RNF6: variants seen among roughly 807,000 people sequenced by gnomAD.
RNF6 encodes ring finger protein 6.
In RNF6, 21 loss-of-function variants were observed where a neutral mutation model predicts 50.1. That is an observed-to-expected ratio of 0.42 (90% CI 0.30 to 0.60). The LOEUF is 0.60. RNF6 is among the 20% of genes least tolerant of loss of function. RNF6 has a pLI of 0.20. For synonymous variants in RNF6, 255 were observed against 291.8 expected, an observed-to-expected ratio of 0.87 and a Z score of 1.29; for missense variants, 698 against 838.2, an observed-to-expected ratio of 0.83 and a Z score of 2.07.
chr13:26,134,766 C>T (rs1870564136), intron 5 of RNF6, among the ~76,000 whole-genome samples: 1 of 152,028 alleles, frequency 6.6e-6, no homozygotes, highest in South Asian at 2.1e-4. Flanking sequence ...AAATCAAACT[C>T]TGTAATTGCA....
intron 5 of RNF6, among the ~76,000 whole-genome samples, chr13:26,157,599 A>C (rs992477825): frequency 3.3e-5 from 5 of 152,142 alleles, no homozygotes; most frequent in African/African-American, 1.2e-4. Flanking sequence ...TAAAAGGGGC[A>C]AAAAAAGCCA....
chr13:26,204,808 T>C (rs986079881), intron 5 of RNF6, among the ~76,000 whole-genome samples: 1 of 152,192 alleles, frequency 6.6e-6, no homozygotes, highest in Non-Finnish European at 1.5e-5. Context: ...ATTCATCTAA[T>C]TGAGAGGTAT....
intron 5 of RNF6, among the ~76,000 whole-genome samples, chr13:26,189,451 T>G (rs1442115639): frequency 6.6e-6 from 1 of 152,252 alleles, no homozygotes; most frequent in African/African-American, 2.4e-5. Flanking sequence ...CTACATTTTT[T>G]GTTTATGTAT....
chr13:26,168,046 A>G (rs1872532201), intron 5 of RNF6, among the ~76,000 whole-genome samples: 1 of 152,156 alleles, frequency 6.6e-6, no homozygotes, highest in Admixed American at 6.5e-5. Context: ...GGCCTACCTT[A>G]GGGTGGAGGG....
intron 5 of RNF6, among the ~76,000 whole-genome samples, chr13:26,146,992 G>C (rs140606771): frequency 6.6e-6 from 1 of 152,114 alleles, no homozygotes; most frequent in Non-Finnish European, 1.5e-5. Context: ...TTCTTGTACA[G>C]CCTGCAAAAC....
chr13:26,149,929 T>G (rs993298877), intron 5 of RNF6, among the ~76,000 whole-genome samples: 1 of 95,650 alleles, frequency 1.0e-5, no homozygotes, highest in African/African-American at 4.0e-5. Context: ...TGTATATATA[T>G]ATACACAGTG....
chr13:26,145,610 A>G (rs1871193119), intron 5 of RNF6, among the ~76,000 whole-genome samples: 1 of 152,076 alleles, frequency 6.6e-6, no homozygotes, highest in Non-Finnish European at 1.5e-5. Flanking sequence ...CATGATTGTA[A>G]GTTTCCTGAG....
intron 5 of RNF6, among the ~76,000 whole-genome samples, chr13:26,161,281 TATA>T (rs1394305286): frequency 1.3e-5 from 2 of 152,230 alleles, no homozygotes; most frequent in African/African-American, 4.8e-5. Context: ...TGTATTCTTT[TATA>T]ATATTTTTAA....
At chr13:26,216,087 G>A (rs1378069781) in intron 4 of RNF6, among the ~76,000 whole-genome samples, 1 of 152,144 alleles carries the variant, frequency 6.6e-6, no homozygotes, top group African/African-American at 2.4e-5. Flanking sequence ...CTCAGGTGCT[G>A]CCAAAAATGT....
At chr13:26,143,590 C>G (rs1383410819) in intron 5 of RNF6, among the ~76,000 whole-genome samples, 1 of 152,192 alleles carries the variant, frequency 6.6e-6, no homozygotes, top group Admixed American at 6.5e-5. Flanking sequence ...ATTTCCACCA[C>G]TTGGTTCATG....
chr13:26,209,731 C>T (rs1282080416), downstream of RNF6, among the ~76,000 whole-genome samples: 2 of 152,064 alleles, frequency 1.3e-5, no homozygotes, highest in African/African-American at 4.8e-5. Flanking sequence ...CAGAAGGTGG[C>T]TGGATTAGGA....
At position 26,215,378 on chromosome 13, in the gene RNF6, ATCT is replaced by A; in HGVS notation, c.501_503del (p.Glu167del). On this transcript the variant is annotated inframe_deletion, in exon 5 of 5. Transcript: ENST00000381588. ...TATCTGAAAGTGGAATGTCTGTATA[ATCT>A]TCTCCATGAATTTCAAATCCTCTAT... 1.2e-6 allele frequency: 2 copies of A among 1,614,178 alleles called. No homozygotes were observed. Among genetic ancestry groups the A allele is most frequent in the Non-Finnish European group, 1.7e-6 (2 of 1,180,040 alleles).
At chr13:26,165,348 G>A (rs499911) in intron 5 of RNF6, among the ~76,000 whole-genome samples, 2,402 of 152,318 alleles carry the variant, frequency 0.016, 53 homozygotes, top group African/African-American at 0.05. Flanking sequence ...CTGTAGGGGT[G>A]AGGCTCTCAT....
chr13:26,135,869 C>T (rs1870622336), intron 5 of RNF6, among the ~76,000 whole-genome samples: 1 of 152,096 alleles, frequency 6.6e-6, no homozygotes, highest in Non-Finnish European at 1.5e-5. Context: ...TTAAAGGAGA[C>T]TGGCACCTCC....
chr13:26,189,759 A>C (rs1868384616), intron 5 of RNF6, among the ~76,000 whole-genome samples: 1 of 152,132 alleles, frequency 6.6e-6, no homozygotes, highest in South Asian at 2.1e-4. Flanking sequence ...TTAATAAACC[A>C]CTTCCATGTT....
chr13:26,202,160 G>A (rs961093569), intron 5 of RNF6, among the ~76,000 whole-genome samples: 7 of 152,102 alleles, frequency 4.6e-5, no homozygotes, highest in African/African-American at 1.4e-4. Flanking sequence ...AGATGACTTG[G>A]GCAAATGATC....
chr13:26,185,645 C>T (rs1376524022), intron 5 of RNF6, among the ~76,000 whole-genome samples: 1 of 152,128 alleles, frequency 6.6e-6, no homozygotes, highest in East Asian at 1.9e-4. Context: ...ACTTGGGAGG[C>T]TGAGGCAGGA....
At chr13:26,186,491 A>G (rs562513899) in intron 5 of RNF6, among the ~76,000 whole-genome samples, 1 of 152,200 alleles carries the variant, frequency 6.6e-6, no homozygotes, top group African/African-American at 2.4e-5. Context: ...ACTGGCAGTC[A>G]GCGGAGACGC....
chr13:26,152,052 T>C (rs969211955), intron 5 of RNF6, among the ~76,000 whole-genome samples: 24 of 152,212 alleles, frequency 1.6e-4, no homozygotes, highest in Non-Finnish European at 2.9e-4. Flanking sequence ...ACCTCTTTTA[T>C]AACCTGGCCT....
Sources: gnomAD v4.1 joint callset for allele counts (sites outside exome capture counted in the v4.1 genomes callset) on GRCh38, gnomAD v4.1.1 for gene constraint, MANE v1.5 for transcripts, NCBI Gene and HGNC (gene_info 2026-07-23, HGNC 2026-07-21) for gene names.